Variants in CR1 observed in about 807,000 individuals in gnomAD.
CR1 encodes the protein complement C3b/C4b receptor 1 (Knops blood group), also known as complement receptor type 1.
A neutral mutation model predicts 187.3 loss-of-function variants in CR1; 116 were observed. The observed-to-expected ratio is 0.62, with a 90% CI of 0.53 to 0.72. The LOEUF (loss-of-function observed/expected upper bound fraction) is 0.72. CR1 is among the 30% of genes least tolerant of loss of function. CR1 has a pLI of 0.00. For missense variants in CR1, 1,731 were observed against 2,110.7 expected (o/e 0.82, Z 3.52); for synonymous variants, 576 against 747.1 (o/e 0.77, Z 3.73).
Position 207,609,660 on chromosome 1 carries a change from G to A in CR1, c.6267G>A (p.Trp2089Ter). The change falls in exon 37 of 47, where the codon TGG becomes TGA. Residue 2089 changes from tryptophan to a stop codon, truncating the protein, a stop_gained. Transcript: ENST00000367049. LOFTEE classifies it high-confidence loss of function. ...TGCAGTGCCAGACCAATGGCAGATG[G>A]GGGCCCAAGCTGCCACACTGCTCCA... ...HTVQCQTNGR[W>*]GPKLPHCSRV... 6.3e-7 allele frequency: 1 copy of A among 1,593,994 alleles called. No homozygotes were observed.
At position 207,611,995 on chromosome 1, in the gene CR1, C is replaced by T. The variant is rs1254595228; in HGVS notation, c.6529C>T (p.Leu2177Phe). 1 of 1,614,020 alleles carries T rather than the reference C, an allele frequency of 6.2e-7. No homozygotes were observed. The highest frequency in any genetic ancestry group is 1.1e-5 in the South Asian group (1 of 91,082). ...QLPHGRVLLP[L>F]NLQLGAKVSF... ...CCCTCATGGCCGTGTGCTACTTCCACTTAATCTCCAGCTTGGGGCAAAGGT... is the reference window on the plus strand; with the variant it reads ...CCCTCATGGCCGTGTGCTACTTCCATTTAATCTCCAGCTTGGGGCAAAGGT... The change falls in exon 39 of 47, where the codon CTT becomes TTT. Residue 2177 changes from leucine (L) to phenylalanine (F), a missense_variant. Transcript: ENST00000367049.
At chr1:207,502,579 G>A (rs1659305118) in intron 1 of CR1, among the ~76,000 whole-genome samples, 1 of 152,308 alleles carries the variant, frequency 6.6e-6, no homozygotes, top group Non-Finnish European at 1.5e-5. Flanking sequence ...AGGGGAAAGG[G>A]CCACACCTTG....
At position 207,593,934 on chromosome 1, in the gene CR1, A is replaced by G. The variant is rs569046116; in HGVS notation, c.5810+5160A>G. Among the ~76,000 whole-genome samples, 494 of 152,362 alleles carry G rather than the reference A, an allele frequency of 3.2e-3. 2 individuals carry two copies. Among genetic ancestry groups the G allele is most frequent in the Middle Eastern group, 0.014 (4 of 294 alleles). ...TCTTGGGCCAGTTAGAATGGCAATC[A>G]CTAAAAAGTCAGGAAACAACAGATG... On this transcript the variant is annotated intron_variant, in intron 35 of 46. Transcript: ENST00000367049.
intron 35 of CR1, among the ~76,000 whole-genome samples, chr1:207,599,230 T>A (rs368280084): frequency 6.6e-6 from 1 of 152,158 alleles, no homozygotes; most frequent in Non-Finnish European, 1.5e-5. Context: ...GCCTTAAAAA[T>A]TGCTAAAATA....
At chr1:207,520,400 G>T (rs1659939146) in intron 4 of CR1, among the ~76,000 whole-genome samples, 1 of 152,310 alleles carries the variant, frequency 6.6e-6, no homozygotes, top group African/African-American at 2.4e-5. Flanking sequence ...ACATGTGCCT[G>T]CTTTCTTTAA....
chr1:207,600,094 T>G (rs1661563446), intron 35 of CR1, among the ~76,000 whole-genome samples: 1 of 152,134 alleles, frequency 6.6e-6, no homozygotes, highest in South Asian at 2.1e-4. Flanking sequence ...AGTGGAAAAA[T>G]AGCCCTAGAC....
At chr1:207,580,142 G>T in intron 29 of CR1, 98 bp from the exon 30 acceptor site, 1 of 1,515,824 alleles carries the variant, frequency 6.6e-7, no homozygotes, top group Non-Finnish European at 8.9e-7. Flanking sequence ...GGGAGAATTG[G>T]GTTCTATTTC....
At chr1:207,582,983 G>A (rs1222398877) in intron 32 of CR1, among the ~76,000 whole-genome samples, 1 of 152,166 alleles carries the variant, frequency 6.6e-6, no homozygotes, top group Non-Finnish European at 1.5e-5. Flanking sequence ...GTCCCAGGCT[G>A]CCCATAGATA....
chr1:207,617,539 ATGTG>A (rs1558271398), intron 41 of CR1, among the ~76,000 whole-genome samples: 99 of 38,146 alleles, frequency 2.6e-3, no homozygotes, highest in Non-Finnish European at 3.9e-3. Context: ...GTGTGTGTGT[ATGTG>A]TGTATATATA....
In CR1 at chr1:207,593,824, C is replaced by T. The variant is rs1374837798; in HGVS notation, c.5810+5050C>T. ...TGAACAGACATTTCTCAAAAGAAGA[C>T]ATTTATGCAGCCAACAAACATGAAA... On this transcript the variant is annotated intron_variant, in intron 35 of 46. Coordinates refer to ENST00000367049, the MANE Select transcript of CR1 (RefSeq NM_000651.6). Among the ~76,000 whole-genome samples the T allele has an allele frequency of 2.0e-5, 3 of 152,182 alleles. No individual in the cohort carries two copies. In the East Asian group the frequency reaches 5.8e-4, roughly 29 times the overall value.
chr1:207,633,145 A>G (rs1455033100), intron 46 of CR1, among the ~76,000 whole-genome samples: 1 of 152,152 alleles, frequency 6.6e-6, no homozygotes, highest in Non-Finnish European at 1.5e-5. Flanking sequence ...AATTCCCTGA[A>G]CCCAGCTCCA....
chr1:207,574,622 C>G (rs1660679254), intron 27 of CR1, among the ~76,000 whole-genome samples: 1 of 152,090 alleles, frequency 6.6e-6, no homozygotes. Flanking sequence ...CTAATAATCT[C>G]TCTAAACTCA....
intron 1 of CR1, among the ~76,000 whole-genome samples, chr1:207,504,097 T>G (rs1339121176): frequency 6.6e-6 from 1 of 152,190 alleles, no homozygotes; most frequent in African/African-American, 2.4e-5. Context: ...GCATTAAATT[T>G]GTGGGCGGAA....
chr1:207,587,653 C>G, intron 34 of CR1, 88 bp downstream of exon 34: 1 of 1,288,388 alleles, frequency 7.8e-7, no homozygotes, highest in East Asian at 2.5e-5. Flanking sequence ...AATCCCATCA[C>G]TTTGGGAGGC....
intron 35 of CR1, among the ~76,000 whole-genome samples, chr1:207,598,612 G>A (rs1454651134): frequency 1.3e-5 from 2 of 152,102 alleles, no homozygotes; most frequent in African/African-American, 2.4e-5. Context: ...TAGAGACAGG[G>A]TTTCACCATG....
Position 207,607,353 on chromosome 1 carries a change from T to G in CR1, c.5896+17T>G. On this transcript the variant is annotated intron_variant, in intron 36 of 46. Coordinates refer to ENST00000367049, the MANE Select transcript of CR1 (RefSeq NM_000651.6). The stretch of plus-strand genomic sequence containing the variant: ...TTTGTGAGAGTAAGTTGAAATACTT[T>G]TCTCCACAAATTCCTCTGTGTGATC... 6.3e-7 allele frequency: 1 copy of G among 1,579,356 alleles called. No individual in the cohort carries two copies. The highest frequency in any genetic ancestry group is 8.7e-7 in the Non-Finnish European group (1 of 1,148,486).
In CR1 at chr1:207,506,826, C is replaced by T. The variant is rs760066864; in HGVS notation, c.401+13C>T. On this transcript the variant is annotated intron_variant, in intron 3 of 46. Transcript: ENST00000367049. ...CTTGTACTAAAGGGTGAGTTGGCAT[C>T]TCTTGAACCAACATCTCTTGGTTCA... 6.3e-7 allele frequency: 1 copy of T among 1,596,662 alleles called. No individual in the cohort carries two copies. The highest frequency in any genetic ancestry group is 2.2e-5 in the East Asian group (1 of 44,760).
At chr1:207,616,540 T>C in intron 40 of CR1, 35 bp from the exon 41 acceptor site, 1 of 1,602,844 alleles carries the variant, frequency 6.2e-7, no homozygotes, top group Non-Finnish European at 8.5e-7. Context: ...TAAGTGAAAT[T>C]CTAATAGAAC....
In CR1 at chr1:207,578,140, C is replaced by T. The variant is rs771234874; in HGVS notation, c.4873C>T (p.Pro1625Ser). 2 of 1,611,816 alleles carry T rather than the reference C, an allele frequency of 1.2e-6. No homozygotes were observed. The highest frequency in any genetic ancestry group is 3.3e-5 in the Admixed American group (2 of 60,010). ...RCQPGFVMKG[P>S]RRVKCQALNK... Reference sequence around the variant, plus strand: ...TCAGCCTGGCTTTGTCATGAAAGGACCCCGCCGTGTGAAGTGCCAGGCCCT... The same window carrying T: ...TCAGCCTGGCTTTGTCATGAAAGGATCCCGCCGTGTGAAGTGCCAGGCCCT... The change falls in exon 29 of 47, where the codon CCC becomes TCC. Residue 1625 changes from proline (P) to serine (S), a missense_variant. Physicochemically the swap from Pro to Ser is moderately conservative, Grantham distance 74. Around this residue, in one of 5 missense-constraint regions of CR1, gnomAD observed 1,312 missense variants for 1,379.6 expected, o/e 0.95. Coordinates refer to ENST00000367049, the MANE Select transcript of CR1 (RefSeq NM_000651.6).
Sources: gnomAD v4.1 joint callset for allele counts (sites outside exome capture counted in the v4.1 genomes callset) on GRCh38, gnomAD v4.1.1 for gene constraint, gnomAD v4.1.1 regional missense constraint, MANE v1.5 for transcripts, NCBI Gene and HGNC (gene_info 2026-07-23, HGNC 2026-07-21) for gene names.